The following DLGAP2 variants were observed in gnomAD, a reference collection of about 807,000 sequenced individuals.
DLGAP2 encodes the protein DLG associated protein 2.
A neutral mutation model predicts 100.3 loss-of-function variants in DLGAP2; 26 were observed. The ratio of observed to expected loss-of-function variants is 0.26; its 90% CI spans 0.19 to 0.36. The LOEUF (loss-of-function observed/expected upper bound fraction) is 0.36. DLGAP2 is among the 10% of genes least tolerant of loss of function. The probability of loss-of-function intolerance (pLI) is 1.00; values close to 1 mark genes in which losing one functional copy is unlikely to be tolerated. For synonymous variants in DLGAP2, 886 were observed against 630.1 expected (o/e 1.41, Z -6.08); for missense variants, 1,858 against 1,453.2 (o/e 1.28, Z -4.53).
At chr8:808,100 T>C (rs1796302338) in intron 1 of DLGAP2, among the ~76,000 whole-genome samples, 1 of 152,182 alleles carries the variant, frequency 6.6e-6, no homozygotes, top group African/African-American at 2.4e-5. Context: ...TTACCTGTCA[T>C]ATGGCGGATG....
rs1219108747 is a variant in DLGAP2 at position 1,282,736 on chromosome 8, G to A, written c.106+23853G>A. On this transcript the variant is annotated intron_variant, in intron 3 of 14. Transcript: ENST00000637795. ...CTGAACCCAGCGCCCTGAACCATCT[G>A]GACGTGGTGTGACCTGAATCCAGCC... is the stretch of plus-strand genomic sequence containing the variant. 9.6e-4 allele frequency among the ~76,000 whole-genome samples: 125 copies of A among 129,916 alleles called. 2 individuals are homozygous for A. Among genetic ancestry groups the A allele is most frequent in the Non-Finnish European group, 1.6e-3 (97 of 60,280 alleles). The allele number at this position is 129,916 out of a possible 152,430, so 85.2% of individuals were successfully genotyped here.
chr8:1,510,643 A>T (rs1293487384), intron 4 of DLGAP2, among the ~76,000 whole-genome samples: 19 of 152,172 alleles, frequency 1.2e-4, no homozygotes, highest in Non-Finnish European at 4.4e-5. Context: ...GCGCATTCTC[A>T]TTCTGCAGGT....
intron 3 of DLGAP2, among the ~76,000 whole-genome samples, chr8:1,265,792 G>A (rs985502582): frequency 6.6e-6 from 1 of 152,148 alleles, no homozygotes; most frequent in Admixed American, 6.5e-5. Flanking sequence ...GAATTTCTGA[G>A]ACAATAAAGA....
At chr8:965,745 C>T (rs111928736) in intron 2 of DLGAP2, among the ~76,000 whole-genome samples, 1,769 of 105,530 alleles carry the variant, frequency 0.017, 61 homozygotes, top group South Asian at 0.11. Flanking sequence ...TCACCTCACA[C>T]GGCTCCTGAG....
In DLGAP2 at chr8:1,436,280, G is replaced by T. The variant is rs190119792; in HGVS notation, c.107-65086G>T. 1.2e-3 allele frequency among the ~76,000 whole-genome samples: 184 copies of T among 152,326 alleles called. 1 individual carries two copies. The highest frequency in any genetic ancestry group is 4.2e-3 in the African/African-American group (173 of 41,590). ...AGAGCCCCGGGCAAACCACTGGTGT[G>T]AGTCCAAGAGTCCAAAAGCTGAAGA... On this transcript the variant is annotated intron_variant, in intron 3 of 14. Transcript: ENST00000637795.
intron 3 of DLGAP2, among the ~76,000 whole-genome samples, chr8:1,344,163 T>TCGTAAGTCCG (rs1563095132): frequency 6.0e-5 from 2 of 33,220 alleles, no homozygotes; most frequent in Admixed American, 3.6e-4. Context: ...TCGTGGGTCT[T>TCGTAAGTCCG]TGTACTCGGG....
chr8:1,627,320 G>GCCGGTCGGCC (rs1188313178), intron 7 of DLGAP2, among the ~76,000 whole-genome samples: 1 of 152,118 alleles, frequency 6.6e-6, no homozygotes, highest in Admixed American at 6.5e-5. Context: ...ACAGAGTCCT[G>GCCGGTCGGCC]CCGGTCGGCC....
At chr8:1,058,799 T>C (rs1014029059) in intron 2 of DLGAP2, among the ~76,000 whole-genome samples, 7 of 152,212 alleles carry the variant, frequency 4.6e-5, no homozygotes, top group Non-Finnish European at 7.3e-5. Context: ...CCCCAGATTA[T>C]TGGATTAGGA....
At chr8:1,243,751 G>A (rs530882007) in intron 2 of DLGAP2, among the ~76,000 whole-genome samples, 16 of 152,034 alleles carry the variant, frequency 1.1e-4, no homozygotes, top group South Asian at 2.1e-4. Flanking sequence ...AGAGCATCTC[G>A]CCTCTGCTGT....
At chr8:953,658 T>G (rs929692504) in intron 2 of DLGAP2, among the ~76,000 whole-genome samples, 4 of 151,510 alleles carry the variant, frequency 2.6e-5, no homozygotes, top group African/African-American at 9.8e-5. Flanking sequence ...CCATCAGTCT[T>G]TTTTCACATA....
At chr8:1,076,299 C>G (rs1768236472) in intron 2 of DLGAP2, among the ~76,000 whole-genome samples, 2 of 152,228 alleles carry the variant, frequency 1.3e-5, no homozygotes, top group Non-Finnish European at 1.5e-5. Context: ...CGCCGGCTGT[C>G]CGCAGCTCAC....
chr8:1,208,556 G>C (rs1217630139), intron 2 of DLGAP2, among the ~76,000 whole-genome samples: 1 of 152,096 alleles, frequency 6.6e-6, no homozygotes, highest in South Asian at 2.1e-4. Flanking sequence ...CATTTTTCCT[G>C]AGAACTGGAA....
intron 2 of DLGAP2, among the ~76,000 whole-genome samples, chr8:955,100 A>G (rs963243600): frequency 1.3e-5 from 2 of 152,030 alleles, no homozygotes; most frequent in African/African-American, 4.8e-5. Flanking sequence ...GTGAAAGGCC[A>G]TGAGAGTTTG....
intron 6 of DLGAP2, chr8:1,621,134 AC>A (rs1460524644): frequency 6.6e-6 from 1 of 152,268 alleles, no homozygotes; most frequent in Non-Finnish European, 1.5e-5. Flanking sequence ...ACCCAGACTT[AC>A]GTGGGAGGTG....
chr8:1,615,478 ATGGTAGAAC>A (rs1281321362), intron 6 of DLGAP2, among the ~76,000 whole-genome samples: 4 of 152,264 alleles, frequency 2.6e-5, no homozygotes, highest in African/African-American at 9.6e-5. Context: ...GAAGACCCCG[ATGGTAGAAC>A]TCACCAGAAA....
At chr8:1,678,770 C>A in intron 12 of DLGAP2, 141 bp downstream of exon 12, 1 of 873,624 alleles carries the variant, frequency 1.1e-6, no homozygotes, top group Non-Finnish European at 1.6e-6. Context: ...AGTATATCCC[C>A]CTCAATTCTA....
chr8:1,428,945 G>C (rs1254058127), intron 3 of DLGAP2, among the ~76,000 whole-genome samples: 1 of 152,162 alleles, frequency 6.6e-6, no homozygotes, highest in Non-Finnish European at 1.5e-5. Context: ...TTTTCCTGAG[G>C]TTTGGGCATT....
intron 1 of DLGAP2, among the ~76,000 whole-genome samples, chr8:881,415 A>G (rs192754273): frequency 1.9e-4 from 29 of 151,962 alleles, no homozygotes; most frequent in Admixed American, 1.6e-3. Flanking sequence ...CAAAATTACA[A>G]TGAGAAAACT....
At chr8:993,486 T>C (rs61652865) in intron 2 of DLGAP2, among the ~76,000 whole-genome samples, 2 of 38,184 alleles carry the variant, frequency 5.2e-5, no homozygotes, top group Admixed American at 3.0e-4. Flanking sequence ...CTTCTCTCCC[T>C]CCTTGCCTGG....
Sources: allele counts gnomAD v4.1 joint callset (sites outside exome capture counted in the v4.1 genomes callset), GRCh38; gene constraint gnomAD v4.1.1; transcripts MANE v1.5; gene names NCBI Gene and HGNC (gene_info 2026-07-23, HGNC 2026-07-21).